Variants in CDH18 observed in about 807,000 individuals in gnomAD.
CDH18 encodes cadherin-18.
A neutral mutation model predicts 67.9 loss-of-function variants in CDH18; 31 were observed. The ratio of observed to expected loss-of-function variants is 0.46; its 90% CI spans 0.34 to 0.62. The LOEUF is 0.62. CDH18 is among the 20% of genes least tolerant of loss of function. The pLI, the probability that CDH18 is intolerant of heterozygous loss-of-function variation, is 0.01. For synonymous variants in CDH18, 362 were observed against 347.2 expected (o/e 1.04, Z -0.48); for missense variants, 890 against 975.5 (o/e 0.91, Z 1.17).
At chr5:20,168,330 C>T (rs1736452260) in intron 2 of CDH18, among the ~76,000 whole-genome samples, 1 of 151,976 alleles carries the variant, frequency 6.6e-6, no homozygotes, top group Non-Finnish European at 1.5e-5. Flanking sequence ...GTATAGCGCA[C>T]TTTAGTTTAG....
intron 5 of CDH18, among the ~76,000 whole-genome samples, chr5:19,637,527 T>G (rs1427067280): frequency 6.6e-6 from 1 of 152,190 alleles, no homozygotes; most frequent in Admixed American, 6.5e-5. Flanking sequence ...GAACTCTCCT[T>G]TAAACTAGCC....
chr5:20,184,455 A>G (rs1737937276), intron 2 of CDH18, among the ~76,000 whole-genome samples: 1 of 152,084 alleles, frequency 6.6e-6, no homozygotes. Context: ...AAAGAAAACG[A>G]TGACTCTTTT....
At chr5:19,902,418 G>C (rs1234443786) in intron 2 of CDH18, among the ~76,000 whole-genome samples, 2 of 152,020 alleles carry the variant, frequency 1.3e-5, no homozygotes, top group Non-Finnish European at 2.9e-5. Context: ...TCCCAGGAAA[G>C]CCAGCTGCCC....
chr5:20,009,550 C>A (rs560282601), intron 2 of CDH18, among the ~76,000 whole-genome samples: 2 of 151,834 alleles, frequency 1.3e-5, no homozygotes, highest in African/African-American at 4.8e-5. Context: ...TAACTGGTGG[C>A]GAGTTAATCT....
At chr5:20,337,905 G>A (rs1290386549) in intron 1 of CDH18, among the ~76,000 whole-genome samples, 1 of 152,176 alleles carries the variant, frequency 6.6e-6, no homozygotes, top group Non-Finnish European at 1.5e-5. Context: ...CACGTGGCTG[G>A]GGAAAACTCA....
chr5:20,034,973 C>A (rs1739722636), intron 2 of CDH18, among the ~76,000 whole-genome samples: 4 of 151,992 alleles, frequency 2.6e-5, no homozygotes. Flanking sequence ...CTTGCATAAC[C>A]AATAAATGTA....
At chr5:19,687,722 T>A (rs777929302) in intron 5 of CDH18, among the ~76,000 whole-genome samples, 6 of 152,166 alleles carry the variant, frequency 3.9e-5, no homozygotes, top group Non-Finnish European at 1.5e-5. Context: ...ATGAAGCGTG[T>A]ACTCTCCACA....
At chr5:19,639,221 C>G (rs965173321) in intron 5 of CDH18, among the ~76,000 whole-genome samples, 8 of 151,904 alleles carry the variant, frequency 5.3e-5, no homozygotes, top group African/African-American at 1.9e-4. Flanking sequence ...CCAGGATGGT[C>G]TCTATCTCCT....
intron 5 of CDH18, among the ~76,000 whole-genome samples, chr5:19,658,795 C>T (rs1206924540): frequency 1.3e-5 from 2 of 151,946 alleles, no homozygotes; most frequent in East Asian, 1.9e-4. Context: ...AATGCTATCC[C>T]TCCCCACTTC....
At chr5:20,262,509 G>A (rs556761756) in intron 1 of CDH18, among the ~76,000 whole-genome samples, 1 of 152,158 alleles carries the variant, frequency 6.6e-6, no homozygotes, top group Non-Finnish European at 1.5e-5. Context: ...TGAGAGTGTG[G>A]GATCAAAAAT....
At chr5:19,630,358 C>A (rs1225301187) in intron 5 of CDH18, among the ~76,000 whole-genome samples, 1 of 152,118 alleles carries the variant, frequency 6.6e-6, no homozygotes, top group Non-Finnish European at 1.5e-5. Context: ...TAATCTATAT[C>A]CTATGTGAAC....
At chr5:20,394,101 A>C (rs545563970) in intron 1 of CDH18, among the ~76,000 whole-genome samples, 1 of 152,226 alleles carries the variant, frequency 6.6e-6, no homozygotes, top group Admixed American at 6.5e-5. Flanking sequence ...TGAATAGCCA[A>C]AACAATCCCA....
At chr5:20,281,321 T>C (rs1189202806) in intron 1 of CDH18, among the ~76,000 whole-genome samples, 2 of 152,220 alleles carry the variant, frequency 1.3e-5, no homozygotes, top group Non-Finnish European at 2.9e-5. Context: ...GGTTTTCTTC[T>C]AGGGATTTTA....
chr5:19,780,439 T>A (rs1387136016), intron 3 of CDH18, among the ~76,000 whole-genome samples: 1 of 152,150 alleles, frequency 6.6e-6, no homozygotes, highest in Non-Finnish European at 1.5e-5. Flanking sequence ...ATCAATACAT[T>A]GTATCCTACT....
chr5:20,218,228 G>C (rs187781714), intron 2 of CDH18, among the ~76,000 whole-genome samples: 1 of 151,774 alleles, frequency 6.6e-6, no homozygotes, highest in Non-Finnish European at 1.5e-5. Flanking sequence ...TCTTCTCCTA[G>C]GCACATGGAT....
At chr5:19,824,928 G>A (rs1034633555) in intron 3 of CDH18, among the ~76,000 whole-genome samples, 3 of 152,188 alleles carry the variant, frequency 2.0e-5, no homozygotes, top group Non-Finnish European at 4.4e-5. Flanking sequence ...CACCTGGACA[G>A]CAAGGCAGAT....
chr5:20,339,477 G>A (rs1740067660), intron 1 of CDH18, among the ~76,000 whole-genome samples: 1 of 152,074 alleles, frequency 6.6e-6, no homozygotes, highest in Admixed American at 6.5e-5. Context: ...TGTGAGAGGA[G>A]CTGCAAGGGA....
intron 3 of CDH18, among the ~76,000 whole-genome samples, chr5:19,789,930 G>C (rs993839159): frequency 6.6e-6 from 1 of 151,824 alleles, no homozygotes; most frequent in African/African-American, 2.4e-5. Flanking sequence ...TAATGTGTAT[G>C]TAAATAATAT....
intron 1 of CDH18, among the ~76,000 whole-genome samples, chr5:20,456,710 T>G (rs1191767368): frequency 6.6e-6 from 1 of 152,082 alleles, no homozygotes; most frequent in Non-Finnish European, 1.5e-5. Context: ...TTTAAACACA[T>G]GCAAAATGGC....
Sources: allele counts gnomAD v4.1 joint callset (sites outside exome capture counted in the v4.1 genomes callset), GRCh38; gene constraint gnomAD v4.1.1; transcripts MANE v1.5; gene names NCBI Gene and HGNC (gene_info 2026-07-23, HGNC 2026-07-21).